Variants in RNF24 observed in about 807,000 individuals in gnomAD.
The protein encoded by RNF24 is ring finger protein 24.
A neutral mutation model predicts 20.0 loss-of-function variants in RNF24; 14 were observed. The observed-to-expected ratio is 0.70, with a 90% CI of 0.46 to 1.10. RNF24 has a LOEUF of 1.10. RNF24 is among the 50% of genes least tolerant of loss of function. RNF24 has a pLI of 0.00. For missense variants in RNF24, 124 were observed against 177.6 expected, an observed-to-expected ratio of 0.70 and a Z score of 1.71; for synonymous variants, 45 against 61.1, an observed-to-expected ratio of 0.74 and a Z score of 1.23.
At chr20:4,008,420 T>TATATATAATATGTATAATATATATA (rs1568672658) in intron 1 of RNF24, among the ~76,000 whole-genome samples, 1 of 44,678 alleles carries the variant, frequency 2.2e-5, no homozygotes, top group African/African-American at 1.1e-4. Flanking sequence ...ATATATATAT[T>TATATATAATATGTATAATATATATA]ATATATAATA....
At chr20:3,948,532 C>T (rs1391985213) in intron 2 of RNF24, among the ~76,000 whole-genome samples, 1 of 151,938 alleles carries the variant, frequency 6.6e-6, no homozygotes, top group South Asian at 2.1e-4. Flanking sequence ...CTACTTATTT[C>T]AATAATATTT....
chr20:3,931,479 C>A lies in RNF24; in HGVS notation c.*2584G>T, dbSNP rs959342773. The A allele has an allele frequency of 2.6e-5, 4 of 152,194 alleles. No homozygotes were observed. Among genetic ancestry groups the A allele is most frequent in the Non-Finnish European group, 4.4e-5 (3 of 68,038 alleles). 9.4% of individuals were successfully genotyped at this position (152,194 alleles called of 1,614,324 possible). ...TTAAAGGAGGATGTAAATTAAAAGG[C>A]CTGTTTGTCTGTACAGCAATGCAGA... On this transcript the variant is annotated 3_prime_UTR_variant, in exon 6 of 6. Transcript: ENST00000358395.
chr20:3,975,115 T>C (rs1186325564), intron 1 of RNF24, among the ~76,000 whole-genome samples: 2 of 152,136 alleles, frequency 1.3e-5, no homozygotes, highest in African/African-American at 2.4e-5. Flanking sequence ...CAAATAAGCA[T>C]AAATGATTTT....
At chr20:3,977,821 G>A (rs112997486) in intron 1 of RNF24, among the ~76,000 whole-genome samples, 2,208 of 142,464 alleles carry the variant, frequency 0.015, 26 homozygotes, top group Middle Eastern at 0.039. Flanking sequence ...CAGAGATTGC[G>A]CCACTGCACT....
At chr20:4,004,505 A>G (rs1001201689) in intron 1 of RNF24, among the ~76,000 whole-genome samples, 8 of 148,492 alleles carry the variant, frequency 5.4e-5, no homozygotes, top group Non-Finnish European at 1.0e-4. Context: ...TTTATTTAAG[A>G]AAAAAAAAAG....
chr20:3,954,410 G>A (rs2091118452), intron 2 of RNF24, among the ~76,000 whole-genome samples: 1 of 152,146 alleles, frequency 6.6e-6, no homozygotes, highest in African/African-American at 2.4e-5. Context: ...GTATGTATCA[G>A]TACTTCACTT....
chr20:3,998,742 C>T (rs549332127), intron 1 of RNF24, among the ~76,000 whole-genome samples: 12 of 148,620 alleles, frequency 8.1e-5, no homozygotes, highest in Non-Finnish European at 8.9e-5. Context: ...GGTGACAGAG[C>T]GAGATTCCGT....
intron 1 of RNF24, among the ~76,000 whole-genome samples, chr20:4,010,616 G>A (rs982174583): frequency 3.9e-5 from 6 of 152,014 alleles, no homozygotes; most frequent in Non-Finnish European, 5.9e-5. Context: ...CCTGACAGCC[G>A]TCATGTTGGT....
intron 4 of RNF24, among the ~76,000 whole-genome samples, chr20:3,936,943 T>C (rs2090898187): frequency 6.6e-6 from 1 of 151,956 alleles, no homozygotes; most frequent in Non-Finnish European, 1.5e-5. Context: ...TTCAAGTGAG[T>C]CTCCTGCCTC....
chr20:3,961,520 T>C (rs1311374728), intron 2 of RNF24, among the ~76,000 whole-genome samples: 1 of 152,188 alleles, frequency 6.6e-6, no homozygotes, highest in African/African-American at 2.4e-5. Context: ...GTTTCATAAC[T>C]TACTTTTCAA....
intron 1 of RNF24, among the ~76,000 whole-genome samples, chr20:4,002,340 G>A (rs963152683): frequency 1.3e-5 from 2 of 151,426 alleles, no homozygotes; most frequent in African/African-American, 4.9e-5. Context: ...GAGCCAAGAT[G>A]GTGCCACTGC....
At chr20:3,971,229 C>T (rs554145789) in intron 1 of RNF24, among the ~76,000 whole-genome samples, 67 of 152,190 alleles carry the variant, frequency 4.4e-4, no homozygotes, top group Non-Finnish European at 7.9e-4. Flanking sequence ...TTTTCAAGTG[C>T]TGAAAGAAAA....
chr20:3,970,281 C>A (rs73086544), intron 1 of RNF24, among the ~76,000 whole-genome samples: 17,685 of 152,108 alleles, frequency 0.12, 1,381 homozygotes, highest in Non-Finnish European at 0.17. Context: ...AAATAGGGAA[C>A]CTGGACTTCT....
At chr20:4,003,897 G>C (rs1255452273) in intron 1 of RNF24, among the ~76,000 whole-genome samples, 1 of 151,812 alleles carries the variant, frequency 6.6e-6, no homozygotes, top group Non-Finnish European at 1.5e-5. Context: ...ACCCCACCTC[G>C]GCCTTCCAAA....
At chr20:3,975,653 A>G (rs1262980460) in intron 1 of RNF24, among the ~76,000 whole-genome samples, 1 of 152,180 alleles carries the variant, frequency 6.6e-6, no homozygotes, top group Non-Finnish European at 1.5e-5. Context: ...TTTGTTGAAG[A>G]TGTAATTAAT....
chr20:3,966,469 AGTGTGTGTGTGTGTGTGTGT>A (rs72006955), intron 1 of RNF24, among the ~76,000 whole-genome samples: 2 of 129,232 alleles, frequency 1.5e-5, no homozygotes, highest in African/African-American at 5.7e-5. Flanking sequence ...TTAAGGCTTT[AGTGTGTGTGTGTGTGTGTGT>A]GTGTGTGTGT....
At chr20:4,011,468 A>G (rs1600729733) in intron 1 of RNF24, among the ~76,000 whole-genome samples, 3 of 139,212 alleles carry the variant, frequency 2.2e-5, no homozygotes. Context: ...AAGTCCCAGG[A>G]TGATGGCTAT....
At chr20:3,997,557 G>C (rs1285586779) in intron 1 of RNF24, among the ~76,000 whole-genome samples, 1 of 151,760 alleles carries the variant, frequency 6.6e-6, no homozygotes, top group African/African-American at 2.4e-5. Context: ...CTCCAGAGTA[G>C]CTCGAACCAC....
In RNF24 at chr20:3,974,879, AT is replaced by A. The variant is rs375224964; in HGVS notation, c.-7-10856del. On this transcript the variant is annotated intron_variant, in intron 1 of 5. Transcript: ENST00000358395. ...ATAATTCCTATAAAAATCCCAGCAA[AT>A]TTTTTTTTTGTAGATATAGACAAGT... 7.3e-4 allele frequency among the ~76,000 whole-genome samples: 110 copies of A among 150,016 alleles called. No individual in the cohort carries two copies. In the East Asian group the frequency reaches 7.6e-3, roughly 10 times the overall value.
Sources: gnomAD v4.1 joint callset for allele counts (sites outside exome capture counted in the v4.1 genomes callset) on GRCh38, gnomAD v4.1.1 for gene constraint, MANE v1.5 for transcripts, NCBI Gene and HGNC (gene_info 2026-07-23, HGNC 2026-07-21) for gene names.